Variants in ADK observed in about 807,000 individuals in gnomAD.
ADK encodes the protein adenosine kinase.
A neutral mutation model predicts 44.7 loss-of-function variants in ADK; 24 were observed. The observed-to-expected ratio is 0.54, with a 90% CI of 0.39 to 0.76. The LOEUF is 0.76. ADK is among the 30% of genes least tolerant of loss of function. ADK has a pLI of 0.00. For synonymous variants in ADK, 128 were observed against 142.6 expected (o/e 0.90, Z 0.73); for missense variants, 321 against 425.1 (o/e 0.76, Z 2.15).
chr10:74,451,554 C>T (rs1845781935), intron 6 of ADK, among the ~76,000 whole-genome samples: 1 of 152,112 alleles, frequency 6.6e-6, no homozygotes, highest in Admixed American at 6.5e-5. Context: ...ACCTATCTTT[C>T]TGAAGTGACA....
chr10:74,691,337 A>T (rs774923910), intron 10 of ADK, among the ~76,000 whole-genome samples: 1 of 152,188 alleles, frequency 6.6e-6, no homozygotes, highest in Non-Finnish European at 1.5e-5. Context: ...GTTTGCTTTA[A>T]TTACATGGTA....
intron 7 of ADK, among the ~76,000 whole-genome samples, chr10:74,583,052 C>T (rs892514904): frequency 1.3e-4 from 19 of 151,968 alleles, no homozygotes; most frequent in East Asian, 3.9e-4. Context: ...ATAATACTAA[C>T]GTGGTATCAT....
intron 6 of ADK, among the ~76,000 whole-genome samples, chr10:74,452,374 G>T (rs1208754028): frequency 6.6e-6 from 1 of 151,962 alleles, no homozygotes; most frequent in Non-Finnish European, 1.5e-5. Context: ...AATTTTGGAA[G>T]TCTGTCTCTA....
At chr10:74,492,257 C>T (rs1847517054) in intron 6 of ADK, among the ~76,000 whole-genome samples, 1 of 151,932 alleles carries the variant, frequency 6.6e-6, no homozygotes, top group Admixed American at 6.6e-5. Context: ...CCACTAATAC[C>T]CTTCATGGCA....
At chr10:74,238,561 T>C (rs914265377) in intron 3 of ADK, among the ~76,000 whole-genome samples, 2 of 152,194 alleles carry the variant, frequency 1.3e-5, no homozygotes, top group Admixed American at 6.5e-5. Flanking sequence ...TTTAAACACA[T>C]TTCCTGACAG....
At chr10:74,589,858 TTCTC>T (rs373044890) in intron 8 of ADK, among the ~76,000 whole-genome samples, 95 of 152,318 alleles carry the variant, frequency 6.2e-4, no homozygotes, top group African/African-American at 2.2e-3. Context: ...CTATCTTTTC[TTCTC>T]TCTCCCTCTT....
intron 6 of ADK, among the ~76,000 whole-genome samples, chr10:74,435,273 A>C (rs928106020): frequency 6.6e-6 from 1 of 152,204 alleles, no homozygotes; most frequent in South Asian, 2.1e-4. Context: ...ATACATTTAC[A>C]TTTATTTAAT....
At chr10:74,563,137 A>G (rs1850523428) in intron 7 of ADK, among the ~76,000 whole-genome samples, 1 of 152,152 alleles carries the variant, frequency 6.6e-6, no homozygotes, top group Admixed American at 6.6e-5. Flanking sequence ...TTATAGCACA[A>G]CTACATCCTT....
intron 9 of ADK, among the ~76,000 whole-genome samples, chr10:74,620,125 A>G (rs1041177908): frequency 1.3e-5 from 2 of 152,182 alleles, no homozygotes; most frequent in African/African-American, 2.4e-5. Context: ...TGAACATTCA[A>G]TATCCTCCTT....
intron 3 of ADK, among the ~76,000 whole-genome samples, chr10:74,275,227 A>T (rs1846629010): frequency 6.6e-6 from 1 of 151,988 alleles, no homozygotes; most frequent in South Asian, 2.1e-4. Context: ...CTAGGAAGGG[A>T]GTTTAAGACA....
chr10:74,505,498 A>G (rs903050156), intron 6 of ADK, among the ~76,000 whole-genome samples: 2 of 143,468 alleles, frequency 1.4e-5, no homozygotes, highest in African/African-American at 2.6e-5. Flanking sequence ...GTATCTTGAA[A>G]CTCTTCAACT....
chr10:74,340,242 G>A (rs1345084384), intron 4 of ADK, among the ~76,000 whole-genome samples: 2 of 152,110 alleles, frequency 1.3e-5, no homozygotes, highest in African/African-American at 4.8e-5. Context: ...GTAAGGAAAA[G>A]GTGTGAAATT....
intron 6 of ADK, among the ~76,000 whole-genome samples, chr10:74,489,845 A>C (rs777348176): frequency 3.3e-5 from 5 of 152,062 alleles, no homozygotes; most frequent in Non-Finnish European, 7.4e-5. Context: ...CTAGTTCCTG[A>C]AATCATTAAA....
At position 74,505,343 on chromosome 10, in the gene ADK, A is replaced by G. The variant is rs572406964; in HGVS notation, c.556-19913A>G. Among the ~76,000 whole-genome samples the G allele has an allele frequency of 9.9e-5, 15 of 152,264 alleles. No individual in the cohort carries two copies. The East Asian group carries it at 2.9e-3, about 29-fold the overall frequency. ...TGGAATCATTCTGTTATATGGTCTA[A>G]TATGAATTTGTTTCTGGCACTACTT... On this transcript the variant is annotated intron_variant, in intron 6 of 10. Transcript: ENST00000539909.
At chr10:74,573,517 A>C (rs1348337221) in intron 7 of ADK, among the ~76,000 whole-genome samples, 1 of 152,156 alleles carries the variant, frequency 6.6e-6, no homozygotes, top group Admixed American at 6.5e-5. Context: ...TGCTGGGAGA[A>C]CCACTGCTCT....
At chr10:74,368,913 G>A (rs1463144889) in intron 4 of ADK, among the ~76,000 whole-genome samples, 2 of 152,146 alleles carry the variant, frequency 1.3e-5, no homozygotes, top group African/African-American at 2.4e-5. Flanking sequence ...ACAGACACGA[G>A]CCACCGCATC....
chr10:74,310,313 C>G lies in ADK; in HGVS notation c.195-4354C>G, dbSNP rs958637503. On this transcript the variant is annotated intron_variant, in intron 3 of 10. Coordinates refer to ENST00000539909, the MANE Select transcript of ADK (RefSeq NM_006721.4). ...CATAAACTCTTTCATCCTTAAACAC[C>G]TGTTAGTCTTGCCACAGCACAATCA... is the stretch of plus-strand genomic sequence containing the variant. 2.6e-5 allele frequency among the ~76,000 whole-genome samples: 4 copies of G among 152,218 alleles called. No individual in the cohort carries two copies. The South Asian group carries it at 8.3e-4, about 32-fold the overall frequency.
intron 1 of ADK, among the ~76,000 whole-genome samples, chr10:74,198,985 T>C (rs1012076042): frequency 6.6e-6 from 1 of 152,214 alleles, no homozygotes; most frequent in Non-Finnish European, 1.5e-5. Flanking sequence ...AAGTTTTAGC[T>C]AGACATTTTT....
At chr10:74,268,860 T>C (rs552518734) in intron 3 of ADK, among the ~76,000 whole-genome samples, 5 of 152,326 alleles carry the variant, frequency 3.3e-5, no homozygotes, top group Non-Finnish European at 7.3e-5. Context: ...TTAATCTATG[T>C]GGGGAAATAT....
Sources: allele counts gnomAD v4.1 joint callset (sites outside exome capture counted in the v4.1 genomes callset), GRCh38; gene constraint gnomAD v4.1.1; transcripts MANE v1.5; gene names NCBI Gene and HGNC (gene_info 2026-07-23, HGNC 2026-07-21).